Variants in LRRC8C observed in about 807,000 individuals in gnomAD.
LRRC8C encodes the protein leucine rich repeat containing 8 VRAC subunit C.
LRRC8C carries 20 observed loss-of-function variants against 55.3 expected under a neutral mutation model. That is an observed-to-expected ratio of 0.36 (90% confidence interval 0.25 to 0.53). The LOEUF is 0.53. Among genes scored for constraint, LRRC8C ranks in the 20% least tolerant of loss-of-function variants. The probability of loss-of-function intolerance (pLI) is 0.92; values close to 1 mark genes in which losing one functional copy is unlikely to be tolerated. For synonymous variants in LRRC8C, 376 were observed against 360.7 expected (o/e 1.04, Z -0.48); for missense variants, 659 against 951.4 (o/e 0.69, Z 4.04).
intron 1 of LRRC8C, among the ~76,000 whole-genome samples, chr1:89,667,014 G>A (rs545641900): frequency 6.6e-6 from 1 of 152,130 alleles, no homozygotes; most frequent in Non-Finnish European, 1.5e-5. Flanking sequence ...TGCTTTTGGT[G>A]AGTTGGTATT....
At chr1:89,622,757 C>A in the LRRC8C span, among the ~76,000 whole-genome samples, 1 of 152,262 alleles carries the variant, frequency 6.6e-6, no homozygotes, top group East Asian at 1.9e-4. Context: ...TGCTTGTCAT[C>A]TTACAAATGT....
chr1:89,690,779 G>C (rs923986861), intron 2 of LRRC8C, among the ~76,000 whole-genome samples: 1 of 151,982 alleles, frequency 6.6e-6, no homozygotes, highest in Non-Finnish European at 1.5e-5. Context: ...AGTCCAGAAG[G>C]CTTTTGGGCT....
intron 1 of LRRC8C, among the ~76,000 whole-genome samples, chr1:89,635,574 CT>C (rs892364257): frequency 1.3e-5 from 2 of 151,996 alleles, no homozygotes; most frequent in African/African-American, 2.4e-5. Flanking sequence ...TAATGATATA[CT>C]TTTTTTTATT....
rs563500194 is a variant in LRRC8C at position 89,638,656 on chromosome 1, A to C, written c.-5+5334A>C. Among the ~76,000 whole-genome samples, 4 of 152,244 alleles carry C rather than the reference A, an allele frequency of 2.6e-5. No individual in the cohort carries two copies. In the South Asian group the frequency reaches 8.3e-4, roughly 32 times the overall value. ...GAATTAAATTACTTTTTTTGCAAAT[A>C]AAACATACTTTATTGACCCTTCAGC... On this transcript the variant is annotated intron_variant, in intron 1 of 2. Transcript: ENST00000370454.
chr1:89,659,592 T>TTATA (rs2101211222), intron 1 of LRRC8C, among the ~76,000 whole-genome samples: 1 of 152,298 alleles, frequency 6.6e-6, no homozygotes, highest in Non-Finnish European at 1.5e-5. Context: ...GGGTTTTCCT[T>TTATA]TATACATAAA....
Position 89,712,630 on chromosome 1 carries a change from C to G in LRRC8C, c.139-79C>G, listed in dbSNP as rs1658680728. On this transcript the variant is annotated intron_variant, in intron 2 of 2. Coordinates refer to ENST00000370454, the MANE Select transcript of LRRC8C (RefSeq NM_032270.5). Reference sequence around the variant, plus strand: ...GGAAATGGACATTTATTGGATGTTACTGCTGCTTTCTTTGCAGTAATGACA... The same window carrying G: ...GGAAATGGACATTTATTGGATGTTAGTGCTGCTTTCTTTGCAGTAATGACA... 57 of 981,304 alleles carry G rather than the reference C, an allele frequency of 5.8e-5. No individual in the cohort carries two copies. In the South Asian group the frequency reaches 8.4e-4, roughly 15 times the overall value. The allele number at this position is 981,304 out of a possible 1,614,324, so 60.8% of individuals were successfully genotyped here. A position where few individuals can be genotyped will look rare whatever the true frequency, so the allele number is the denominator to read the frequency against.
At chr1:89,659,055 TTTTTTTTGTGTG>T (rs1211175018) in intron 1 of LRRC8C, among the ~76,000 whole-genome samples, 1,239 of 110,986 alleles carry the variant, frequency 0.011, 66 homozygotes, top group African/African-American at 0.026. Context: ...CAGGTTTTTT[TTTTTTTTGTGTG>T]TGTGTGTGTG....
At chr1:89,645,236 A>G (rs1656577400) in intron 1 of LRRC8C, among the ~76,000 whole-genome samples, 1 of 152,186 alleles carries the variant, frequency 6.6e-6, no homozygotes, top group Non-Finnish European at 1.5e-5. Flanking sequence ...AGAATGAAAA[A>G]TCCACTGGAT....
At chr1:89,704,921 G>A (rs1658432602) in intron 2 of LRRC8C, among the ~76,000 whole-genome samples, 2 of 151,924 alleles carry the variant, frequency 1.3e-5, no homozygotes, top group Non-Finnish European at 2.9e-5. Context: ...TCCCATTACT[G>A]GGTATATACC....
At chr1:89,690,243 A>G (rs1657991900) in intron 2 of LRRC8C, among the ~76,000 whole-genome samples, 1 of 152,156 alleles carries the variant, frequency 6.6e-6, no homozygotes, top group African/African-American at 2.4e-5. Context: ...AGACAGAAAG[A>G]CAGGCGTCTG....
chr1:89,672,607 A>G (rs1266695514), intron 1 of LRRC8C, among the ~76,000 whole-genome samples: 1 of 152,176 alleles, frequency 6.6e-6, no homozygotes, highest in Non-Finnish European at 1.5e-5. Flanking sequence ...TTCAGCCTCT[A>G]GAAACAGAAA....
At chr1:89,671,294 G>A (rs770692854) in intron 1 of LRRC8C, among the ~76,000 whole-genome samples, 2 of 149,906 alleles carry the variant, frequency 1.3e-5, no homozygotes, top group Non-Finnish European at 2.9e-5. Flanking sequence ...GAGGGAAGAA[G>A]GTTAGAGAGG....
chr1:89,690,679 A>G (rs1224730418), intron 2 of LRRC8C, among the ~76,000 whole-genome samples: 1 of 152,210 alleles, frequency 6.6e-6, no homozygotes, highest in Non-Finnish European at 1.5e-5. Context: ...CGGTAAGTTC[A>G]GGAGGGAATT....
At chr1:89,627,155 T>C in the LRRC8C span, among the ~76,000 whole-genome samples, 2 of 152,040 alleles carry the variant, frequency 1.3e-5, no homozygotes, top group African/African-American at 4.8e-5. Flanking sequence ...TCTGGAGCTA[T>C]TTCAGGAACT....
intron 2 of LRRC8C, among the ~76,000 whole-genome samples, chr1:89,706,101 G>A (rs1451545858): frequency 6.6e-6 from 1 of 152,102 alleles, no homozygotes; most frequent in Non-Finnish European, 1.5e-5. Context: ...ACTAATTACT[G>A]ATTTATATGT....
rs575076926 is a variant in LRRC8C, at chr1:89,637,634, C to T, written c.-5+4312C>T. Among the ~76,000 whole-genome samples the T allele has an allele frequency of 1.9e-3, 295 of 152,098 alleles. 3 individuals carry two copies. Among genetic ancestry groups the T allele is most frequent in the Middle Eastern group, 6.8e-3 (2 of 294 alleles). ...ATGGGCAAGAAAGAGAAACTAATGT[C>T]ACCTTGGACATCTAGCACAGCAATA... On this transcript the variant is annotated intron_variant, in intron 1 of 2. Transcript: ENST00000370454.
chr1:89,667,147 G>A (rs1035498620), intron 1 of LRRC8C, among the ~76,000 whole-genome samples: 3 of 152,126 alleles, frequency 2.0e-5, no homozygotes, highest in African/African-American at 7.2e-5. Context: ...CTTGCTGCAG[G>A]AAGTCCTTAG....
chr1:89,622,623 G>A, the LRRC8C span, among the ~76,000 whole-genome samples: 3 of 152,076 alleles, frequency 2.0e-5, no homozygotes, highest in Non-Finnish European at 1.5e-5. Context: ...GTGAGCCACC[G>A]CGCCTGGCCT....
At chr1:89,699,915 C>G (rs553456115) in intron 2 of LRRC8C, among the ~76,000 whole-genome samples, 1 of 152,290 alleles carries the variant, frequency 6.6e-6, no homozygotes, top group South Asian at 2.1e-4. Flanking sequence ...AATAGTTCAG[C>G]CTTGAAACAC....
Sources: allele counts gnomAD v4.1 joint callset (sites outside exome capture counted in the v4.1 genomes callset), GRCh38; gene constraint gnomAD v4.1.1; transcripts MANE v1.5; gene names NCBI Gene and HGNC (gene_info 2026-07-23, HGNC 2026-07-21).